Variants in LRMDA observed in about 807,000 individuals in gnomAD.
LRMDA encodes the protein leucine-rich melanocyte differentiation-associated protein.
LRMDA carries 18 observed loss-of-function variants against 29.8 expected under a neutral mutation model. That is an observed-to-expected ratio of 0.60 (90% CI 0.42 to 0.90). The LOEUF is 0.90. LRMDA is among the 40% of genes least tolerant of loss of function. The probability of loss-of-function intolerance (pLI) is 0.00; values close to 1 mark genes in which losing one functional copy is unlikely to be tolerated. For synonymous variants in LRMDA, 125 were observed against 109.4 expected, an observed-to-expected ratio of 1.14 and a Z score of -0.89; for missense variants, 273 against 273.9, an observed-to-expected ratio of 1.00 and a Z score of 0.02.
chr10:75,692,628 G>T (rs982470943), intron 2 of LRMDA, among the ~76,000 whole-genome samples: 4 of 148,724 alleles, frequency 2.7e-5, no homozygotes, highest in Non-Finnish European at 4.5e-5. Context: ...GGCACAATGG[G>T]ATGAGAGATA....
At chr10:75,857,874 G>A (rs769528069) in intron 2 of LRMDA, among the ~76,000 whole-genome samples, 3 of 152,232 alleles carry the variant, frequency 2.0e-5, no homozygotes, top group Non-Finnish European at 4.4e-5. Context: ...TTTCGCTAAT[G>A]CTGCAGGAGG....
At chr10:75,632,925 A>AT (rs1841345411) in intron 2 of LRMDA, among the ~76,000 whole-genome samples, 1 of 150,206 alleles carries the variant, frequency 6.7e-6, no homozygotes, top group East Asian at 2.0e-4. Context: ...CGACAACTCC[A>AT]TGCAAGTGTT....
At chr10:75,878,029 A>G (rs1845229553) in intron 2 of LRMDA, among the ~76,000 whole-genome samples, 1 of 152,104 alleles carries the variant, frequency 6.6e-6, no homozygotes, top group Non-Finnish European at 1.5e-5. Flanking sequence ...GCAGGTCATG[A>G]AGAGTGTTTT....
Position 76,122,962 on chromosome 10 carries a change from C to CT in LRMDA, c.516+64180dup, listed in dbSNP as rs1849815361. On this transcript the variant is annotated intron_variant, in intron 5 of 6. Transcript: ENST00000611255. ...ACCTCTGTTATGTCTCCTGGATCATCTAGGATGATCCGAAGGATTCCCAGA... is the reference window on the plus strand; with the variant it reads ...ACCTCTGTTATGTCTCCTGGATCATCTTAGGATGATCCGAAGGATTCCCAGA... Among the ~76,000 whole-genome samples the CT allele has an allele frequency of 2.0e-5, 3 of 152,284 alleles. 1 individual carries two copies. The South Asian group carries it at 6.2e-4, about 32-fold the overall frequency.
intron 4 of LRMDA, among the ~76,000 whole-genome samples, chr10:76,047,742 T>A (rs1037554262): frequency 1.3e-5 from 2 of 152,222 alleles, no homozygotes; most frequent in African/African-American, 4.8e-5. Context: ...TGTTGTAAGA[T>A]CTTTCTGTGG....
At chr10:76,306,698 T>C (rs1183922563) in intron 5 of LRMDA, among the ~76,000 whole-genome samples, 1 of 152,226 alleles carries the variant, frequency 6.6e-6, no homozygotes, top group Non-Finnish European at 1.5e-5. Context: ...AGATGCACAT[T>C]AGAATTAATT....
chr10:75,560,847 C>A (rs965108385), intron 2 of LRMDA, among the ~76,000 whole-genome samples: 6 of 151,970 alleles, frequency 3.9e-5, no homozygotes, highest in East Asian at 1.9e-4. Flanking sequence ...TATTGATTTG[C>A]GTATATTGAA....
chr10:76,295,350 C>T (rs1407017891), intron 5 of LRMDA, among the ~76,000 whole-genome samples: 1 of 152,190 alleles, frequency 6.6e-6, no homozygotes, highest in East Asian at 1.9e-4. Flanking sequence ...GACAGGTCAA[C>T]CTTGCAGGAT....
At chr10:75,600,686 G>A (rs1300532470) in intron 2 of LRMDA, among the ~76,000 whole-genome samples, 2 of 152,168 alleles carry the variant, frequency 1.3e-5, no homozygotes, top group African/African-American at 2.4e-5. Flanking sequence ...CCACAGGGAC[G>A]TGTATGCCAT....
chr10:75,708,305 C>T (rs1192411465), intron 2 of LRMDA, among the ~76,000 whole-genome samples: 4 of 152,200 alleles, frequency 2.6e-5, no homozygotes, highest in Non-Finnish European at 5.9e-5. Flanking sequence ...AACACATTCC[C>T]ATTTCATGCC....
At chr10:75,508,238 G>C (rs891963388) in intron 2 of LRMDA, among the ~76,000 whole-genome samples, 6 of 147,086 alleles carry the variant, frequency 4.1e-5, no homozygotes, top group Non-Finnish European at 9.1e-5. Flanking sequence ...TTGGTTGCAA[G>C]AAGAGGCAAA....
At chr10:76,279,212 T>C (rs1840171877) in intron 5 of LRMDA, among the ~76,000 whole-genome samples, 1 of 152,220 alleles carries the variant, frequency 6.6e-6, no homozygotes, top group South Asian at 2.1e-4. Flanking sequence ...TGACCAATTA[T>C]AGCTGTATGA....
intron 6 of LRMDA, among the ~76,000 whole-genome samples, chr10:76,480,660 A>G (rs1907333): frequency 0.39 from 59,567 of 151,796 alleles, 12,320 homozygotes; most frequent in Middle Eastern, 0.55. Context: ...GATGAAATAA[A>G]ACAACCAATT....
At chr10:75,969,204 T>A (rs1425198789) in intron 2 of LRMDA, among the ~76,000 whole-genome samples, 3 of 152,208 alleles carry the variant, frequency 2.0e-5, no homozygotes, top group African/African-American at 7.2e-5. Flanking sequence ...ACAAAGACAC[T>A]TGGAGGTTTG....
chr10:76,373,170 G>T (rs1841475433), intron 6 of LRMDA, among the ~76,000 whole-genome samples: 1 of 152,128 alleles, frequency 6.6e-6, no homozygotes, highest in African/African-American at 2.4e-5. Context: ...GTAGATGGTT[G>T]CTGGTGATGC....
chr10:76,513,770 C>T (rs1468822028), intron 6 of LRMDA, among the ~76,000 whole-genome samples: 2 of 152,108 alleles, frequency 1.3e-5, no homozygotes, highest in Admixed American at 1.3e-4. Context: ...ATACTCTTTC[C>T]CTTTAACTTT....
intron 2 of LRMDA, among the ~76,000 whole-genome samples, chr10:75,760,536 G>A (rs1451953052): frequency 6.6e-6 from 1 of 152,176 alleles, no homozygotes; most frequent in Non-Finnish European, 1.5e-5. Flanking sequence ...TGAACTAAAA[G>A]AGGTATTGAT....
chr10:75,678,569 C>T (rs113467243), intron 2 of LRMDA, among the ~76,000 whole-genome samples: 10 of 152,130 alleles, frequency 6.6e-5, no homozygotes, highest in Admixed American at 1.3e-4. Flanking sequence ...GAAGGTAATT[C>T]GATTTTTATT....
intron 6 of LRMDA, among the ~76,000 whole-genome samples, chr10:76,477,598 A>G (rs1842689081): frequency 6.6e-6 from 1 of 152,196 alleles, no homozygotes; most frequent in African/African-American, 2.4e-5. Context: ...CGCCAAGGCA[A>G]TCCTAAGCCG....
Sources: allele counts gnomAD v4.1 joint callset (sites outside exome capture counted in the v4.1 genomes callset), GRCh38; gene constraint gnomAD v4.1.1; transcripts MANE v1.5; gene names NCBI Gene and HGNC (gene_info 2026-07-23, HGNC 2026-07-21).